The following FBXW11 variants were observed in gnomAD, a reference collection of about 807,000 sequenced individuals.
FBXW11 encodes F-box/WD repeat-containing protein 11.
A neutral mutation model predicts 77.6 loss-of-function variants in FBXW11; 19 were observed. The ratio of observed to expected loss-of-function variants is 0.24; its 90% CI spans 0.17 to 0.36. The LOEUF (loss-of-function observed/expected upper bound fraction) is 0.36. Ranked by LOEUF, FBXW11 falls within the 10% of genes least tolerant of loss-of-function variation. The pLI is 1.00. For synonymous variants in FBXW11, 235 were observed against 249.4 expected (o/e 0.94, Z 0.54); for missense variants, 334 against 704.2 (o/e 0.47, Z 5.95).
At chr5:171,901,150 G>A (rs1358666954) in intron 4 of FBXW11, among the ~76,000 whole-genome samples, 1 of 152,104 alleles carries the variant, frequency 6.6e-6, no homozygotes, top group Non-Finnish European at 1.5e-5. Flanking sequence ...CATACAAAAT[G>A]GTAATCACCA....
At chr5:171,911,675 G>A (rs893090933) in intron 3 of FBXW11, among the ~76,000 whole-genome samples, 2 of 152,148 alleles carry the variant, frequency 1.3e-5, no homozygotes, top group Non-Finnish European at 2.9e-5. Flanking sequence ...ATCTTACGTA[G>A]GTGGTTTATG....
chr5:171,990,291 A>G (rs1765664119), intron 1 of FBXW11, among the ~76,000 whole-genome samples: 1 of 152,220 alleles, frequency 6.6e-6, no homozygotes, highest in African/African-American at 2.4e-5. Flanking sequence ...ATTTTTCATA[A>G]TAAAAAGTTA....
chr5:171,922,910 T>C (rs983062596), intron 2 of FBXW11, among the ~76,000 whole-genome samples: 7 of 151,950 alleles, frequency 4.6e-5, no homozygotes, highest in African/African-American at 4.8e-5. Context: ...TGTGTGCGTG[T>C]GTGTGTGTGT....
chr5:171,977,725 G>A, intron 1 of FBXW11: 7 of 389,756 alleles, frequency 1.8e-5, no homozygotes, highest in South Asian at 1.3e-4. Flanking sequence ...CAAGCAAAGA[G>A]AGAGAAGCTT....
At chr5:171,908,414 A>G (rs1760666273) in intron 4 of FBXW11, among the ~76,000 whole-genome samples, 1 of 152,176 alleles carries the variant, frequency 6.6e-6, no homozygotes, top group South Asian at 2.1e-4. Context: ...CATCATTCAC[A>G]TCACCACCAC....
chr5:171,912,525 A>C (rs1013029462), intron 3 of FBXW11, among the ~76,000 whole-genome samples: 1 of 152,228 alleles, frequency 6.6e-6, no homozygotes, highest in Non-Finnish European at 1.5e-5. Context: ...AGTTAGAAAT[A>C]ACTGCCCAAT....
intron 7 of FBXW11, among the ~76,000 whole-genome samples, chr5:171,881,422 G>C (rs1317630574): frequency 2.0e-5 from 3 of 150,346 alleles, no homozygotes; most frequent in Non-Finnish European, 4.5e-5. Flanking sequence ...TATCACGAAA[G>C]AGTGTTCAAT....
intron 2 of FBXW11, among the ~76,000 whole-genome samples, chr5:171,924,350 T>C (rs1027659367): frequency 1.3e-5 from 2 of 152,198 alleles, no homozygotes; most frequent in African/African-American, 2.4e-5. Flanking sequence ...TGTTTCTTTC[T>C]GGATAATGCC....
At chr5:171,914,435 T>C (rs1318023131) in intron 2 of FBXW11, 30 bp from the exon 3 acceptor site, 4 of 1,544,284 alleles carry the variant, frequency 2.6e-6, no homozygotes, top group Non-Finnish European at 3.5e-6. Flanking sequence ...TTATTTGAAT[T>C]ATACCAAGTT....
intron 4 of FBXW11, among the ~76,000 whole-genome samples, chr5:171,903,159 C>A (rs566008028): frequency 2.0e-5 from 3 of 152,182 alleles, no homozygotes; most frequent in African/African-American, 4.8e-5. Flanking sequence ...TACAGTGGCA[C>A]AATCATGGCT....
intron 4 of FBXW11, among the ~76,000 whole-genome samples, chr5:171,905,825 G>T (rs78777255): frequency 0.012 from 1,810 of 152,198 alleles, 17 homozygotes; most frequent in Non-Finnish European, 0.015. Flanking sequence ...ATTTTCTGAA[G>T]TACCTATGTC....
intron 1 of FBXW11, among the ~76,000 whole-genome samples, chr5:172,002,676 GTTTCTTTCTTT>G (rs1277696009): frequency 2.6e-4 from 35 of 135,908 alleles, no homozygotes; most frequent in Non-Finnish European, 4.7e-4. Flanking sequence ...TCATTTATTC[GTTTCTTTCTTT>G]TTTCTTTTCT....
At chr5:171,899,866 C>G in intron 5 of FBXW11, 48 bp downstream of exon 5, 1 of 1,483,204 alleles carries the variant, frequency 6.7e-7, no homozygotes, top group Non-Finnish European at 9.1e-7. Flanking sequence ...CAAGCTGACT[C>G]TATGTCAATA....
chr5:171,898,720 G>A (rs778127075), intron 6 of FBXW11, among the ~76,000 whole-genome samples: 2 of 152,100 alleles, frequency 1.3e-5, no homozygotes, highest in African/African-American at 2.4e-5. Context: ...AAATTTATCA[G>A]CTTAGAATAA....
intron 10 of FBXW11, among the ~76,000 whole-genome samples, chr5:171,872,030 A>AT (rs1410643088): frequency 1.3e-5 from 2 of 152,224 alleles, no homozygotes; most frequent in African/African-American, 4.8e-5. Flanking sequence ...AATTTATGGT[A>AT]TCTTGAAGCC....
At chr5:171,916,574 T>A in intron 2 of FBXW11, 9 of 465,918 alleles carry the variant, frequency 1.9e-5, no homozygotes, top group South Asian at 9.1e-5. Flanking sequence ...TTTATGGAGG[T>A]CTCTCCATGT....
chr5:171,987,403 G>A (rs1040034515), intron 1 of FBXW11, among the ~76,000 whole-genome samples: 9 of 151,990 alleles, frequency 5.9e-5, no homozygotes, highest in Non-Finnish European at 1.3e-4. Flanking sequence ...CCATGTTTAC[G>A]TCTAACTTCT....
chr5:171,960,425 A>T (rs1370842810), intron 1 of FBXW11, among the ~76,000 whole-genome samples: 1 of 152,212 alleles, frequency 6.6e-6, no homozygotes, highest in Non-Finnish European at 1.5e-5. Flanking sequence ...CTAATATCAA[A>T]TTAACACCAA....
At chr5:171,956,836 T>C (rs1194862250) in intron 2 of FBXW11, among the ~76,000 whole-genome samples, 1 of 152,234 alleles carries the variant, frequency 6.6e-6, no homozygotes, top group African/African-American at 2.4e-5. Context: ...ATTAAACACA[T>C]GCTTGCTCAG....
Sources: gnomAD v4.1 joint callset for allele counts (sites outside exome capture counted in the v4.1 genomes callset) on GRCh38, gnomAD v4.1.1 for gene constraint, MANE v1.5 for transcripts, NCBI Gene and HGNC (gene_info 2026-07-23, HGNC 2026-07-21) for gene names.